AEBP2: variants seen among roughly 807,000 people sequenced by gnomAD.
The protein encoded by AEBP2 is zinc finger protein AEBP2.
AEBP2 carries 10 observed loss-of-function variants against 50.8 expected under a neutral mutation model. That is an observed-to-expected ratio of 0.20 (90% CI 0.12 to 0.33). AEBP2 has a LOEUF of 0.33. AEBP2 is among the 10% of genes least tolerant of loss of function. The probability of loss-of-function intolerance (pLI) is 1.00; values close to 1 mark genes in which losing one functional copy is unlikely to be tolerated. For synonymous variants in AEBP2, 296 were observed against 261.3 expected, an observed-to-expected ratio of 1.13 and a Z score of -1.28; for missense variants, 570 against 688.0, an observed-to-expected ratio of 0.83 and a Z score of 1.92.
chr12:19,450,052 TC>T (rs1948140089), intron 1 of AEBP2, among the ~76,000 whole-genome samples: 1 of 152,198 alleles, frequency 6.6e-6, no homozygotes, highest in African/African-American at 2.4e-5. Context: ...TACTTTTTTT[TC>T]CTAACTGAGT....
rs58515106 is a variant in AEBP2, at chr12:19,409,212, C to T, written c.-17+4996C>T. 3.5e-3 allele frequency among the ~76,000 whole-genome samples: 529 copies of T among 152,180 alleles called. 6 individuals are homozygous for T. Among genetic ancestry groups the T allele is most frequent in the African/African-American group, 0.012 (508 of 41,518 alleles). ...TTTCCTGCATCATTTAATCTACTTG[C>T]GTTAGTGTTGCCCTGAGAGGTGGCT... is the stretch of plus-strand genomic sequence containing the variant. On this transcript the variant is annotated intron_variant, in intron 1 of 3. Transcript: ENST00000538425.
intron 1 of AEBP2, among the ~76,000 whole-genome samples, chr12:19,432,771 G>A (rs1463744700): frequency 6.6e-6 from 1 of 152,138 alleles, no homozygotes; most frequent in African/African-American, 2.4e-5. Flanking sequence ...TAGCAGAGCA[G>A]AGGAAGGGGT....
At chr12:19,446,700 C>A (rs1370776882) in intron 1 of AEBP2, among the ~76,000 whole-genome samples, 1 of 149,968 alleles carries the variant, frequency 6.7e-6, no homozygotes, top group Non-Finnish European at 1.5e-5. Flanking sequence ...CCACTGCACT[C>A]CAGCCTGGGC....
At chr12:19,463,296 A>G (rs1948410293) in intron 2 of AEBP2, among the ~76,000 whole-genome samples, 1 of 152,230 alleles carries the variant, frequency 6.6e-6, no homozygotes, top group South Asian at 2.1e-4. Flanking sequence ...TGTAACTTCT[A>G]TTAGGTACTG....
At chr12:19,494,653 TACAG>T (rs1337805941) in intron 4 of AEBP2, among the ~76,000 whole-genome samples, 91 of 152,000 alleles carry the variant, frequency 6.0e-4, no homozygotes, top group Admixed American at 1.4e-3. Context: ...ATGCTGGGAT[TACAG>T]GTGTGAGCCA....
At chr12:19,430,897 C>G (rs779349439) in intron 1 of AEBP2, among the ~76,000 whole-genome samples, 1 of 151,714 alleles carries the variant, frequency 6.6e-6, no homozygotes, top group Non-Finnish European at 1.5e-5. Flanking sequence ...ATGGCGCATT[C>G]CTGTAGTTAC....
intron 1 of AEBP2, chr12:19,418,847 G>C (rs563096436): frequency 6.6e-6 from 1 of 152,180 alleles, no homozygotes; most frequent in Non-Finnish European, 1.5e-5. Flanking sequence ...CCAGGAGGTC[G>C]AGGCTGCAGT....
intron 7 of AEBP2, among the ~76,000 whole-genome samples, chr12:19,517,764 A>G (rs898275272): frequency 2.6e-5 from 4 of 152,212 alleles, no homozygotes; most frequent in African/African-American, 4.8e-5. Context: ...TGGCTTCCCA[A>G]TGTGCTGGGA....
At chr12:19,478,193 C>CT (rs1948678760) in intron 3 of AEBP2, among the ~76,000 whole-genome samples, 1 of 152,130 alleles carries the variant, frequency 6.6e-6, no homozygotes, top group African/African-American at 2.4e-5. Flanking sequence ...CCACTCTGGT[C>CT]TTTGTTATTT....
intron 1 of AEBP2, among the ~76,000 whole-genome samples, chr12:19,444,611 A>C (rs549368922): frequency 1.3e-5 from 2 of 152,200 alleles, no homozygotes; most frequent in Non-Finnish European, 2.9e-5. Flanking sequence ...TATATCTTTG[A>C]ACTTTAGTTC....
At chr12:19,489,990 CTTT>C (rs71067029) in intron 3 of AEBP2, among the ~76,000 whole-genome samples, 2 of 47,694 alleles carry the variant, frequency 4.2e-5, no homozygotes, top group African/African-American at 8.4e-5. Context: ...TTAAAATAAA[CTTT>C]TTTTTTTTTT....
intron 3 of AEBP2, among the ~76,000 whole-genome samples, chr12:19,478,484 T>A (rs1245854164): frequency 6.6e-6 from 1 of 152,004 alleles, no homozygotes; most frequent in Admixed American, 6.6e-5. Context: ...TTTACAGGGT[T>A]TCACCATGTT....
rs58870259 is a variant in AEBP2 at position 19,510,865 on chromosome 12, C to CTTTTTTTTTTTT, written c.1300-1527_1300-1516dup. On this transcript the variant is annotated intron_variant, in intron 5 of 7. Coordinates refer to ENST00000266508, the MANE Select transcript of AEBP2 (RefSeq NM_153207.5). ...AGTACATCGCTTTTTAAGGTAGTGA[C>CTTTTTTTTTTTT]TTTTTTTTTTTTTTTTTGAGGTGGG... Among the ~76,000 whole-genome samples the CTTTTTTTTTTTT allele has an allele frequency of 4.2e-3, 376 of 88,992 alleles. 25 individuals carry two copies. The highest frequency in any genetic ancestry group is 0.011 in the African/African-American group (226 of 20,432). The allele number at this position is 88,992 out of a possible 152,430, so 58.4% of individuals were successfully genotyped here.
At chr12:19,485,426 G>A (rs1486753180) in intron 3 of AEBP2, among the ~76,000 whole-genome samples, 1 of 152,120 alleles carries the variant, frequency 6.6e-6, no homozygotes, top group Non-Finnish European at 1.5e-5. Flanking sequence ...AAACAGAGTA[G>A]GCCGGGTGTC....
chr12:19,436,672 G>A (rs1947864824), upstream of AEBP2, among the ~76,000 whole-genome samples: 1 of 150,662 alleles, frequency 6.6e-6, no homozygotes, highest in Non-Finnish European at 1.5e-5. Context: ...GTTCACTGCA[G>A]CCTCAATCTC....
intron 5 of AEBP2, among the ~76,000 whole-genome samples, chr12:19,500,988 A>G (rs989473461): frequency 3.9e-5 from 6 of 152,178 alleles, no homozygotes; most frequent in African/African-American, 1.4e-4. Flanking sequence ...ATTGTAGATC[A>G]TACTTTTGGT....
At chr12:19,417,072 C>G (rs577466982) in intron 1 of AEBP2, among the ~76,000 whole-genome samples, 4 of 151,276 alleles carry the variant, frequency 2.6e-5, no homozygotes, top group Non-Finnish European at 5.9e-5. Context: ...GGGATTTCAC[C>G]GTGTTAACCA....
At chr12:19,423,999 G>A (rs1305464089) in intron 1 of AEBP2, among the ~76,000 whole-genome samples, 1 of 152,212 alleles carries the variant, frequency 6.6e-6, no homozygotes, top group Non-Finnish European at 1.5e-5. Flanking sequence ...CTGTACGGCA[G>A]CATGGAGGAT....
At chr12:19,404,163 A>T (rs1323919089) in exon 1 of AEBP2, 8 of 152,152 alleles carry the variant, frequency 5.3e-5, no homozygotes, top group African/African-American at 1.9e-4. Flanking sequence ...GCTTCTCTTA[A>T]CCTGTGACCA....
Sources: allele counts gnomAD v4.1 joint callset (sites outside exome capture counted in the v4.1 genomes callset), GRCh38; gene constraint gnomAD v4.1.1; transcripts MANE v1.5; gene names NCBI Gene and HGNC (gene_info 2026-07-23, HGNC 2026-07-21).